PCDH11Y: variants seen among roughly 807,000 people sequenced by gnomAD.
PCDH11Y encodes the protein protocadherin 11 Y-linked.
For missense variants in PCDH11Y, 12 were observed against 224.8 expected (o/e 0.05, Z 6.05); for synonymous variants, 9 against 83.6 (o/e 0.11, Z 4.87).
intron 2 of PCDH11Y, among the ~76,000 whole-genome samples, chrY:5,314,400 C>T: frequency 3.3e-5 from 1 of 29,957 alleles, no homozygotes; most frequent in Admixed American, 3.3e-4. Flanking sequence ...CCACCCTCCT[C>T]GGCCTCCCAA....
chrY:5,476,263 G>A (rs2124685160), intron 2 of PCDH11Y, among the ~76,000 whole-genome samples: 3 of 29,112 alleles, frequency 1.0e-4, no homozygotes, highest in East Asian at 9.2e-4. Flanking sequence ...AGCTCAAATC[G>A]TTTTCTCTTT....
chrY:5,683,085 C>T, intron 4 of PCDH11Y, among the ~76,000 whole-genome samples: 2 of 32,620 alleles, frequency 6.1e-5, no homozygotes, highest in Non-Finnish European at 1.5e-4. Flanking sequence ...ATGATGAAAA[C>T]GAGGAAACTA....
chrY:5,326,637 G>T, intron 2 of PCDH11Y, among the ~76,000 whole-genome samples: 1 of 32,491 alleles, frequency 3.1e-5, no homozygotes, highest in Non-Finnish European at 7.5e-5. Context: ...AGTCGTGGGG[G>T]TCAGGTGTGG....
intron 2 of PCDH11Y, among the ~76,000 whole-genome samples, chrY:5,287,551 T>G (rs2053061757): frequency 9.1e-5 from 3 of 33,064 alleles, no homozygotes; most frequent in Non-Finnish European, 1.5e-4. Context: ...CTGAATAAAA[T>G]GTGGCACATA....
intron 2 of PCDH11Y, among the ~76,000 whole-genome samples, chrY:5,289,266 A>G: frequency 3.0e-5 from 1 of 33,166 alleles, no homozygotes; most frequent in African/African-American, 1.2e-4. Context: ...GTAATTATAG[A>G]TTTATGATTT....
chrY:5,342,728 C>G, intron 2 of PCDH11Y, among the ~76,000 whole-genome samples: 1 of 32,505 alleles, frequency 3.1e-5, no homozygotes, highest in African/African-American at 1.2e-4. Flanking sequence ...TTCTATGAAG[C>G]CATATGCCCT....
chrY:5,689,340 A>G (rs2053566273), intron 4 of PCDH11Y, among the ~76,000 whole-genome samples: 1 of 32,444 alleles, frequency 3.1e-5, no homozygotes. Flanking sequence ...TAGTACATCA[A>G]TGAACTTACA....
At chrY:5,533,022 G>A (rs2053396762) in intron 3 of PCDH11Y, among the ~76,000 whole-genome samples, 20 of 30,822 alleles carry the variant, frequency 6.5e-4, no homozygotes, top group African/African-American at 1.8e-3. Flanking sequence ...TAGTAGAGAC[G>A]GGGTTTCACC....
intron 3 of PCDH11Y, among the ~76,000 whole-genome samples, chrY:5,571,979 T>C: frequency 9.2e-5 from 3 of 32,683 alleles, no homozygotes; most frequent in African/African-American, 3.6e-4. Context: ...TTTGTACACA[T>C]TAACTATCTT....
intron 4 of PCDH11Y, among the ~76,000 whole-genome samples, chrY:5,681,717 T>A: frequency 1.3e-4 from 4 of 31,029 alleles, no homozygotes; most frequent in African/African-American, 2.5e-4. Context: ...CTTTTTTTTT[T>A]CTCTGTGATA....
At chrY:5,517,386 T>A in intron 3 of PCDH11Y, among the ~76,000 whole-genome samples, 1 of 31,871 alleles carries the variant, frequency 3.1e-5, no homozygotes, top group African/African-American at 1.2e-4. Context: ...TACTATATAT[T>A]TTGTAAATGA....
chrY:5,238,050 T>C, intron 2 of PCDH11Y, among the ~76,000 whole-genome samples: 1 of 33,229 alleles, frequency 3.0e-5, no homozygotes, highest in Non-Finnish European at 7.4e-5. Flanking sequence ...AATGACTTTC[T>C]TCACAGAATT....
intron 2 of PCDH11Y, among the ~76,000 whole-genome samples, chrY:5,143,813 C>A: frequency 3.1e-5 from 1 of 32,770 alleles, no homozygotes; most frequent in Non-Finnish European, 7.5e-5. Context: ...ATGTTCTGTG[C>A]AATGGTGGAT....
At chrY:5,497,934 T>A in intron 2 of PCDH11Y, among the ~76,000 whole-genome samples, 1 of 33,358 alleles carries the variant, frequency 3.0e-5, no homozygotes, top group Non-Finnish European at 7.4e-5. Flanking sequence ...GGAGTGCTGA[T>A]TGGTCAGTGG....
chrY:5,425,329 T>G, intron 2 of PCDH11Y, among the ~76,000 whole-genome samples: 1 of 33,370 alleles, frequency 3.0e-5, no homozygotes, highest in Admixed American at 2.8e-4. Context: ...TGACCTCAAC[T>G]AAATTTCCAG....
intron 3 of PCDH11Y, among the ~76,000 whole-genome samples, chrY:5,578,489 T>C: frequency 2.1e-4 from 7 of 33,040 alleles, no homozygotes; most frequent in African/African-American, 8.3e-4. Context: ...CATATGCTAG[T>C]CCATGCTATA....
At chrY:5,631,850 G>A (rs2053512468) in intron 4 of PCDH11Y, among the ~76,000 whole-genome samples, 1 of 33,769 alleles carries the variant, frequency 3.0e-5, no homozygotes, top group Non-Finnish European at 7.4e-5. Flanking sequence ...TGAGCACAAT[G>A]GGAAGAGTAA....
intron 2 of PCDH11Y, among the ~76,000 whole-genome samples, chrY:5,418,785 T>G: frequency 6.0e-5 from 2 of 33,407 alleles, no homozygotes. Flanking sequence ...GATATGGTCT[T>G]TTATGACTGG....
intron 1 of PCDH11Y, among the ~76,000 whole-genome samples, chrY:5,063,098 C>G: frequency 6.1e-5 from 2 of 32,587 alleles, no homozygotes; most frequent in Non-Finnish European, 1.5e-4. Flanking sequence ...ATCTAATTGT[C>G]TTTAACAACT....
Sources: allele counts gnomAD v4.1 joint callset (sites outside exome capture counted in the v4.1 genomes callset), GRCh38; gene constraint gnomAD v4.1.1; transcripts MANE v1.5; gene names NCBI Gene and HGNC (gene_info 2026-07-23, HGNC 2026-07-21).